Variants in ZNF385D observed in about 807,000 individuals in gnomAD.
The protein encoded by ZNF385D is zinc finger protein 385D.
ZNF385D carries 15 observed loss-of-function variants against 35.8 expected under a neutral mutation model. That is an observed-to-expected ratio of 0.42 (90% CI 0.28 to 0.64). The LOEUF (loss-of-function observed/expected upper bound fraction) is 0.64, where lower values mean the gene tolerates loss of function less well. ZNF385D is among the 30% of genes least tolerant of loss of function. ZNF385D has a pLI of 0.23. For synonymous variants in ZNF385D, 212 were observed against 186.8 expected (o/e 1.13, Z -1.10); for missense variants, 474 against 494.6 (o/e 0.96, Z 0.39).
chr3:22,045,687 G>C (rs1337144391), intron 3 of ZNF385D, among the ~76,000 whole-genome samples: 1 of 152,016 alleles, frequency 6.6e-6, no homozygotes, highest in African/African-American at 2.4e-5. Flanking sequence ...CTAATATGCT[G>C]TAATCACTTT....
intron 3 of ZNF385D, among the ~76,000 whole-genome samples, chr3:22,108,539 T>C (rs1315830632): frequency 6.6e-6 from 1 of 152,152 alleles, no homozygotes; most frequent in African/African-American, 2.4e-5. Context: ...GTGCAATGCA[T>C]GTGGAACTAA....
chr3:21,446,963 T>C (rs1056587954), intron 4 of ZNF385D, among the ~76,000 whole-genome samples: 5 of 152,188 alleles, frequency 3.3e-5, no homozygotes, highest in African/African-American at 9.7e-5. Context: ...CTCCCTAAAT[T>C]AGAGTTTGTA....
chr3:22,227,191 G>T (rs553117088), intron 2 of ZNF385D, among the ~76,000 whole-genome samples: 3 of 151,844 alleles, frequency 2.0e-5, no homozygotes, highest in Non-Finnish European at 2.9e-5. Flanking sequence ...TGGGGCGGGG[G>T]GGGTGTAGGT....
At chr3:21,933,340 G>C (rs1701106401) in intron 3 of ZNF385D, among the ~76,000 whole-genome samples, 1 of 152,094 alleles carries the variant, frequency 6.6e-6, no homozygotes, top group South Asian at 2.1e-4. Context: ...ACTTTGAATA[G>C]ATTTTGCTAT....
Position 22,141,803 on chromosome 3 carries a change from T to C in ZNF385D, c.325+27014A>G, listed in dbSNP as rs374522597. Among the ~76,000 whole-genome samples, 10 of 152,336 alleles carry C rather than the reference T, an allele frequency of 6.6e-5. 1 individual carries two copies. Among genetic ancestry groups the C allele is most frequent in the East Asian group, 3.9e-4 (2 of 5,186 alleles). ...GAAGTCGTTATTCAGTTTTCAATTTTATAACTGAGGAAGCTAAGGCCTAGA... is the reference window on the plus strand; with the variant it reads ...GAAGTCGTTATTCAGTTTTCAATTTCATAACTGAGGAAGCTAAGGCCTAGA... On this transcript the variant is annotated intron_variant, in intron 3 of 5. Coordinates refer to the ZNF385D transcript ENST00000494108.
intron 3 of ZNF385D, among the ~76,000 whole-genome samples, chr3:21,812,074 T>C (rs1158847497): frequency 6.6e-6 from 1 of 152,172 alleles, no homozygotes; most frequent in East Asian, 1.9e-4. Context: ...ACAAGGAATT[T>C]AAGAGGAAGT....
In ZNF385D at chr3:21,732,030, G is replaced by GTTTTT. The variant is rs1214143626; in HGVS notation, c.22+18860_22+18864dup. 2.2e-3 allele frequency among the ~76,000 whole-genome samples: 81 copies of GTTTTT among 37,394 alleles called. 7 individuals are homozygous for GTTTTT. The highest frequency in any genetic ancestry group is 4.0e-3 in the Non-Finnish European group (71 of 17,924). The allele number at this position is 37,394 out of a possible 152,430, so 24.5% of individuals were successfully genotyped here. On this transcript the variant is annotated intron_variant, in intron 1 of 7. Transcript: ENST00000281523. Reference sequence around the variant, plus strand: ...TTCAGGGTTTTTTTCTTTTTTCGGGGTTTTTTTTTTTTTTTTTTTTTTTTT... The same window carrying GTTTTT: ...TTCAGGGTTTTTTTCTTTTTTCGGGGTTTTTTTTTTTTTTTTTTTTTTTTTTTTTT...
At chr3:21,667,132 A>G (rs1221581068) in intron 1 of ZNF385D, among the ~76,000 whole-genome samples, 4 of 152,136 alleles carry the variant, frequency 2.6e-5, no homozygotes, top group African/African-American at 9.7e-5. Flanking sequence ...GATGTGGTGA[A>G]ATTTAAGAAG....
At chr3:22,323,054 G>A (rs947484451) in intron 2 of ZNF385D, among the ~76,000 whole-genome samples, 5 of 151,972 alleles carry the variant, frequency 3.3e-5, no homozygotes, top group South Asian at 2.1e-4. Context: ...CAACCCCCAC[G>A]GACAGGAAAT....
chr3:21,534,601 C>G (rs1374334936), intron 3 of ZNF385D, among the ~76,000 whole-genome samples: 1 of 152,114 alleles, frequency 6.6e-6, no homozygotes, highest in Non-Finnish European at 1.5e-5. Flanking sequence ...TTCCTAAATT[C>G]TGTTGCCAAG....
At chr3:21,523,161 T>A (rs2125507566) in intron 3 of ZNF385D, among the ~76,000 whole-genome samples, 1 of 152,350 alleles carries the variant, frequency 6.6e-6, no homozygotes, top group South Asian at 2.1e-4. Flanking sequence ...ATACATGATA[T>A]GAATATCCTC....
At chr3:21,632,135 A>G (rs765408916) in intron 2 of ZNF385D, among the ~76,000 whole-genome samples, 20 of 152,134 alleles carry the variant, frequency 1.3e-4, no homozygotes, top group Admixed American at 1.2e-3. Flanking sequence ...ATATTCTTGT[A>G]GTGGGAAAGA....
intron 3 of ZNF385D, among the ~76,000 whole-genome samples, chr3:22,019,695 C>A (rs1697110462): frequency 6.6e-6 from 1 of 151,904 alleles, no homozygotes; most frequent in Non-Finnish European, 1.5e-5. Context: ...TTCTGGTTAA[C>A]CATTTTGGAG....
At chr3:22,215,626 C>T (rs544367188) in intron 2 of ZNF385D, among the ~76,000 whole-genome samples, 22 of 151,940 alleles carry the variant, frequency 1.4e-4, no homozygotes, top group East Asian at 1.9e-4. Flanking sequence ...AATACTTGCC[C>T]GAAACTTCAT....
intron 3 of ZNF385D, among the ~76,000 whole-genome samples, chr3:22,091,614 T>C (rs1348991908): frequency 1.3e-5 from 2 of 152,002 alleles, no homozygotes; most frequent in East Asian, 1.9e-4. Flanking sequence ...TCTAGGTATG[T>C]AGCTGAAACC....
chr3:22,047,971 T>C (rs182160633), intron 3 of ZNF385D, among the ~76,000 whole-genome samples: 36 of 152,308 alleles, frequency 2.4e-4, no homozygotes, highest in Admixed American at 2.1e-3. Context: ...TCATTGTGGA[T>C]TTAATTTGCA....
intron 3 of ZNF385D, among the ~76,000 whole-genome samples, chr3:21,774,976 G>T (rs901298919): frequency 1.4e-4 from 21 of 151,842 alleles, no homozygotes; most frequent in African/African-American, 4.8e-4. Context: ...GCCCTGACTT[G>T]TATCATTTGT....
At chr3:22,212,721 C>G (rs188967591) in intron 2 of ZNF385D, among the ~76,000 whole-genome samples, 1 of 151,824 alleles carries the variant, frequency 6.6e-6, no homozygotes, top group South Asian at 2.1e-4. Flanking sequence ...AAGCATAAAG[C>G]CTGTTTTTAA....
intron 3 of ZNF385D, among the ~76,000 whole-genome samples, chr3:21,803,629 C>A (rs148007503): frequency 6.6e-6 from 1 of 151,964 alleles, no homozygotes; most frequent in Non-Finnish European, 1.5e-5. Flanking sequence ...GACATAAAAG[C>A]TATATATATC....
Sources: gnomAD v4.1 joint callset for allele counts (sites outside exome capture counted in the v4.1 genomes callset) on GRCh38, gnomAD v4.1.1 for gene constraint, MANE v1.5 for transcripts, NCBI Gene and HGNC (gene_info 2026-07-23, HGNC 2026-07-21) for gene names.